The following ANO2 variants were observed in gnomAD, a reference collection of about 807,000 sequenced individuals.
ANO2 encodes the protein anoctamin-2.
In ANO2, 101 loss-of-function variants were observed where a neutral mutation model predicts 124.2. The observed-to-expected ratio is 0.81, with a 90% confidence interval of 0.69 to 0.96. ANO2 has a LOEUF of 0.96. Ranked by LOEUF, ANO2 falls within the 40% of genes least tolerant of loss-of-function variation. ANO2 has a pLI of 0.00. For synonymous variants in ANO2, 486 were observed against 482.5 expected (o/e 1.01, Z -0.09); for missense variants, 1,293 against 1,274.5 (o/e 1.01, Z -0.22).
chr12:5,944,588 C>T (rs1943020761), intron 1 of ANO2, among the ~76,000 whole-genome samples: 2 of 152,144 alleles, frequency 1.3e-5, no homozygotes, highest in Non-Finnish European at 2.9e-5. Context: ...CCATACTCCA[C>T]CTCAATTTGC....
intron 23 of ANO2, among the ~76,000 whole-genome samples, chr12:5,571,924 C>A (rs185054110): frequency 6.6e-6 from 1 of 152,064 alleles, no homozygotes; most frequent in African/African-American, 2.4e-5. Flanking sequence ...GAAACGCAGC[C>A]CCCAGAGCAC....
chr12:5,610,984 T>TTTTTTTTGCTTTTTTTTTTG, intron 19 of ANO2, among the ~76,000 whole-genome samples: 1 of 132,482 alleles, frequency 7.5e-6, no homozygotes, highest in Non-Finnish European at 1.6e-5. Context: ...TTTTTTTTTT[T>TTTTTTTTGCTTTTTTTTTTG]TTTTTGAGAC....
intron 3 of ANO2, among the ~76,000 whole-genome samples, chr12:5,866,973 G>A (rs1043314274): frequency 6.6e-6 from 1 of 152,236 alleles, no homozygotes; most frequent in Non-Finnish European, 1.5e-5. Context: ...ATAGCAGGGA[G>A]TTGGTCTAGG....
At chr12:5,595,393 T>C (rs1943611313) in intron 20 of ANO2, among the ~76,000 whole-genome samples, 1 of 152,020 alleles carries the variant, frequency 6.6e-6, no homozygotes, top group Non-Finnish European at 1.5e-5. Flanking sequence ...TTTCTTTTCT[T>C]TTTCCTTTTT....
chr12:5,936,675 T>C (rs1352251802), intron 1 of ANO2, among the ~76,000 whole-genome samples: 2 of 152,252 alleles, frequency 1.3e-5, no homozygotes, highest in African/African-American at 4.8e-5. Flanking sequence ...AGAATGCTTA[T>C]GGTTTTGGTG....
chr12:5,639,424 A>G (rs1284127902), intron 15 of ANO2, among the ~76,000 whole-genome samples: 1 of 152,210 alleles, frequency 6.6e-6, no homozygotes, highest in African/African-American at 2.4e-5. Context: ...CTACCCTCAC[A>G]GAGTGGATCT....
chr12:5,633,591 A>C (rs1237999477), intron 16 of ANO2, among the ~76,000 whole-genome samples: 2 of 151,872 alleles, frequency 1.3e-5, no homozygotes, highest in African/African-American at 4.8e-5. Flanking sequence ...AACAAAACAA[A>C]AAAAAAAACA....
chr12:5,738,112 C>A (rs570045694), intron 13 of ANO2, among the ~76,000 whole-genome samples: 1 of 152,208 alleles, frequency 6.6e-6, no homozygotes, highest in Admixed American at 6.5e-5. Context: ...GCAGCACACC[C>A]TGCACTGGTA....
intron 3 of ANO2, among the ~76,000 whole-genome samples, chr12:5,878,672 G>A (rs1414181836): frequency 2.0e-5 from 3 of 152,136 alleles, no homozygotes; most frequent in East Asian, 3.9e-4. Context: ...AGAGATCATC[G>A]ATCCCTCAAT....
chr12:5,941,874 G>T lies in ANO2; in HGVS notation c.22+3322C>A, dbSNP rs970578136. 8.8e-4 allele frequency among the ~76,000 whole-genome samples: 134 copies of T among 152,154 alleles called. 1 individual carries two copies. Among genetic ancestry groups the T allele is most frequent in the Non-Finnish European group, 1.5e-4 (10 of 68,028 alleles). On this transcript the variant is annotated intron_variant, in intron 1 of 24. Transcript: ENST00000682330. ...GATACCCAGAGGGCTGGGGCTGGGG[G>T]TGGAAAAAAAGCTATCAAACCATTC...
chr12:5,718,937 G>A (rs1163113341), intron 14 of ANO2, among the ~76,000 whole-genome samples: 2 of 152,208 alleles, frequency 1.3e-5, no homozygotes, highest in African/African-American at 4.8e-5. Context: ...ACCTCCTACT[G>A]ATGGGAGGTA....
At chr12:5,870,781 C>T (rs746463347) in intron 3 of ANO2, among the ~76,000 whole-genome samples, 1 of 152,216 alleles carries the variant, frequency 6.6e-6, no homozygotes, top group Non-Finnish European at 1.5e-5. Context: ...AAATGCAGCA[C>T]ATCCCAGCTG....
intron 14 of ANO2, among the ~76,000 whole-genome samples, chr12:5,704,576 TA>T (rs1949531459): frequency 1.3e-5 from 2 of 152,116 alleles, no homozygotes; most frequent in Non-Finnish European, 2.9e-5. Flanking sequence ...ATTTGACAGT[TA>T]AAAAAGTTCT....
intron 7 of ANO2, among the ~76,000 whole-genome samples, chr12:5,827,254 G>A (rs1252484388): frequency 6.6e-6 from 1 of 152,150 alleles, no homozygotes; most frequent in African/African-American, 2.4e-5. Flanking sequence ...AGGGCAAACA[G>A]ATTCAGCCGG....
chr12:5,697,849 C>T lies in ANO2; in HGVS notation c.1545+34671G>A, dbSNP rs370436109. Reference sequence around the variant, plus strand: ...GGAGGGTCCCACGCCCATGGAGCCTCGCTCATTGCTAGCACAGCAGTCTGA... The same window carrying T: ...GGAGGGTCCCACGCCCATGGAGCCTTGCTCATTGCTAGCACAGCAGTCTGA... On this transcript the variant is annotated intron_variant, in intron 14 of 24. Transcript: ENST00000682330. 9.7e-4 allele frequency among the ~76,000 whole-genome samples: 147 copies of T among 152,312 alleles called. 1 individual carries two copies. The South Asian group carries it at 0.017, about 18-fold the overall frequency.
chr12:5,870,728 T>C (rs1270105994), intron 3 of ANO2, among the ~76,000 whole-genome samples: 1 of 152,134 alleles, frequency 6.6e-6, no homozygotes, highest in Non-Finnish European at 1.5e-5. Flanking sequence ...CTTGAAGGGA[T>C]CAAAGGTCCT....
chr12:5,563,271 T>C lies in ANO2; in HGVS notation c.*28A>G, dbSNP rs1297040104. 4 of 1,580,812 alleles carry C rather than the reference T, an allele frequency of 2.5e-6. No homozygotes were observed. Among genetic ancestry groups the C allele is most frequent in the Non-Finnish European group, 3.4e-6 (4 of 1,168,586 alleles). On this transcript the variant is annotated 3_prime_UTR_variant, in exon 25 of 25. Coordinates refer to ENST00000682330, the MANE Select transcript of ANO2 (RefSeq NM_001364791.2). ...GTGCATGTGCGTGTCTCTGCTGCCGTGCCCTCCTCTGCTGCAGGCTGAACT... is the reference window on the plus strand; with the variant it reads ...GTGCATGTGCGTGTCTCTGCTGCCGCGCCCTCCTCTGCTGCAGGCTGAACT...
intron 12 of ANO2, among the ~76,000 whole-genome samples, chr12:5,741,569 G>A (rs1024855213): frequency 4.6e-5 from 7 of 152,158 alleles, no homozygotes; most frequent in African/African-American, 1.2e-4. Flanking sequence ...GTGTCTCCAT[G>A]AAGGGAGGAA....
Position 5,635,043 on chromosome 12 carries a change from T to C in ANO2, c.1816+109A>G, listed in dbSNP as rs531153489. On this transcript the variant is annotated intron_variant, in intron 16 of 24. Coordinates refer to ENST00000682330, the MANE Select transcript of ANO2 (RefSeq NM_001364791.2). This position sits in a 1 kb window ranked among gnomAD's most constrained non-coding sequence, Gnocchi z 5.2. ...CCATTTCTCTAATTAAAATGCACTG[T>C]ACAAAGCATCCTGTCCCTGTCCCAT... The C allele has an allele frequency of 3.2e-5, 33 of 1,038,306 alleles. No individual in the cohort carries two copies. In the South Asian group the frequency reaches 5.6e-4, roughly 18 times the overall value. The allele number at this position is 1,038,306 out of a possible 1,614,324, so 64.3% of individuals were successfully genotyped here. A position where few individuals can be genotyped will look rare whatever the true frequency, so the allele number is the denominator to read the frequency against.
Sources: allele counts gnomAD v4.1 joint callset (sites outside exome capture counted in the v4.1 genomes callset), GRCh38; gene constraint gnomAD v4.1.1; non-coding constraint Gnocchi (gnomAD v3.1); transcripts MANE v1.5; gene names NCBI Gene and HGNC (gene_info 2026-07-23, HGNC 2026-07-21).